Variants in RUNX1 observed in about 807,000 individuals in gnomAD.
RUNX1 encodes RUNX family transcription factor 1.
RUNX1 carries 19 observed loss-of-function variants against 42.8 expected under a neutral mutation model. That is an observed-to-expected ratio of 0.44 (90% CI 0.31 to 0.65). The LOEUF is 0.65. RUNX1 is among the 30% of genes least tolerant of loss of function. The pLI, the probability that RUNX1 is intolerant of heterozygous loss-of-function variation, is 0.07. For synonymous variants in RUNX1, 271 were observed against 289.4 expected (o/e 0.94, Z 0.64); for missense variants, 528 against 672.0 (o/e 0.79, Z 2.37).
intron 5 of RUNX1, among the ~76,000 whole-genome samples, chr21:34,878,521 G>A (rs1010955228): frequency 6.6e-6 from 1 of 151,860 alleles, no homozygotes; most frequent in African/African-American, 2.4e-5. Flanking sequence ...TCAAAATATT[G>A]TCTGTTTATG....
intron 6 of RUNX1, among the ~76,000 whole-genome samples, chr21:34,858,227 C>G (rs905045451): frequency 1.3e-5 from 2 of 152,160 alleles, no homozygotes; most frequent in African/African-American, 2.4e-5. Context: ...ACAGGGAAGG[C>G]TGCCATAAAA....
intron 2 of RUNX1, among the ~76,000 whole-genome samples, chr21:35,044,811 G>A (rs935107115): frequency 6.6e-5 from 10 of 152,112 alleles, no homozygotes; most frequent in African/African-American, 1.9e-4. Context: ...CACATCTTTC[G>A]GATCTATTTT....
intron 2 of RUNX1, among the ~76,000 whole-genome samples, chr21:35,041,174 C>G (rs1355004284): frequency 6.6e-6 from 1 of 152,154 alleles, no homozygotes; most frequent in Admixed American, 6.5e-5. Flanking sequence ...TTCTAACGCC[C>G]AGAAGTAAAA....
chr21:34,967,698 C>A (rs1188487688), intron 2 of RUNX1, among the ~76,000 whole-genome samples: 5 of 152,142 alleles, frequency 3.3e-5, no homozygotes, highest in African/African-American at 1.2e-4. Context: ...TCATTAATCC[C>A]AACACTGGGA....
chr21:34,929,960 T>G (rs2058427110), intron 2 of RUNX1, among the ~76,000 whole-genome samples: 1 of 151,836 alleles, frequency 6.6e-6, no homozygotes, highest in Admixed American at 6.6e-5. Flanking sequence ...GTCCCTATAG[T>G]AGATGCAAAA....
chr21:34,907,113 C>T lies in RUNX1; in HGVS notation c.59-14150G>A, dbSNP rs1327096219. ...AAGTCAGCCAGGAGGGTCATGTGCC[C>T]CCTTCAGTGAAAACCTTGACTCTAA... is the stretch of plus-strand genomic sequence containing the variant. On this transcript the variant is annotated intron_variant, in intron 2 of 8. Coordinates refer to ENST00000675419, the MANE Select transcript of RUNX1 (RefSeq NM_001754.5). This position sits in a 1 kb window ranked among gnomAD's most constrained non-coding sequence, Gnocchi z 5.3. 6.6e-6 allele frequency among the ~76,000 whole-genome samples: 1 copy of T among 152,066 alleles called. No individual in the cohort carries two copies. Among genetic ancestry groups the T allele is most frequent in the Non-Finnish European group, 1.5e-5 (1 of 68,008 alleles).
intron 2 of RUNX1, among the ~76,000 whole-genome samples, chr21:34,962,744 A>G (rs1372433673): frequency 6.6e-6 from 1 of 152,206 alleles, no homozygotes; most frequent in Non-Finnish European, 1.5e-5. Context: ...TCATTTTGCA[A>G]AGGGTGATTC....
chr21:34,907,959 G>C lies in RUNX1; in HGVS notation c.59-14996C>G, dbSNP rs577705326. 5.3e-5 allele frequency among the ~76,000 whole-genome samples: 8 copies of C among 152,304 alleles called. No individual in the cohort carries two copies. In the East Asian group the frequency reaches 1.5e-3, roughly 29 times the overall value. On this transcript the variant is annotated intron_variant, in intron 2 of 8. Coordinates refer to ENST00000675419, the MANE Select transcript of RUNX1 (RefSeq NM_001754.5). The surrounding 1 kb of genome is among the most constrained non-coding windows in gnomAD (Gnocchi z 5.3). ...TCTGAAAAGTGAGTGGCTCTTCTAA[G>C]CTCCCGAAACAGTGGCTGATCTGGG... is the stretch of plus-strand genomic sequence containing the variant.
intron 7 of RUNX1, among the ~76,000 whole-genome samples, chr21:34,811,866 A>C (rs978020022): frequency 6.6e-6 from 1 of 151,878 alleles, no homozygotes; most frequent in Admixed American, 6.6e-5. Context: ...GCTCCAGCTT[A>C]TTTTTCACAG....
intron 7 of RUNX1, among the ~76,000 whole-genome samples, chr21:34,823,430 GTTTTTTTTTTTT>G (rs56957776): frequency 0.79 from 78,707 of 100,044 alleles, 32,112 homozygotes; most frequent in East Asian, 0.96. Context: ...TTCCTGGTGG[GTTTTTTTTTTTT>G]TTTTTTTTTT....
At chr21:35,015,651 C>T (rs1173701965) in intron 2 of RUNX1, among the ~76,000 whole-genome samples, 2 of 152,182 alleles carry the variant, frequency 1.3e-5, no homozygotes, top group Non-Finnish European at 2.9e-5. Flanking sequence ...ACTAGGCATA[C>T]TTAGTGATCA....
intron 2 of RUNX1, among the ~76,000 whole-genome samples, chr21:34,950,183 C>T (rs1423621656): frequency 6.6e-6 from 1 of 152,198 alleles, no homozygotes; most frequent in Non-Finnish European, 1.5e-5. Context: ...GGTCTTCTAG[C>T]TACAGTGTTA....
intron 2 of RUNX1, among the ~76,000 whole-genome samples, chr21:34,982,355 G>A (rs1397887607): frequency 6.6e-6 from 1 of 151,164 alleles, no homozygotes; most frequent in Non-Finnish European, 1.5e-5. Flanking sequence ...CTCTTACTAG[G>A]GTCCCAGGGT....
chr21:34,883,239 A>C (rs1248751967), intron 4 of RUNX1, among the ~76,000 whole-genome samples: 1 of 151,664 alleles, frequency 6.6e-6, no homozygotes, highest in Non-Finnish European at 1.5e-5. Flanking sequence ...TTTAACTCCC[A>C]CTCCTCTTTT....
intron 3 of RUNX1, among the ~76,000 whole-genome samples, chr21:34,890,221 C>G (rs1306508667): frequency 4.0e-5 from 6 of 151,898 alleles, no homozygotes; most frequent in Non-Finnish European, 7.4e-5. Flanking sequence ...GGGCAGCAGC[C>G]GCCCTCCCTG....
intron 6 of RUNX1, among the ~76,000 whole-genome samples, chr21:34,841,220 T>C (rs1234676683): frequency 6.6e-6 from 1 of 152,152 alleles, no homozygotes; most frequent in Admixed American, 6.5e-5. Flanking sequence ...CCTGTTCCTC[T>C]AGCTCATGCC....
At chr21:34,904,592 C>A (rs1405606563) in intron 2 of RUNX1, among the ~76,000 whole-genome samples, 1 of 152,178 alleles carries the variant, frequency 6.6e-6, no homozygotes, top group African/African-American at 2.4e-5. Context: ...GTGCACTAAT[C>A]TTAAGTAACT....
intron 2 of RUNX1, among the ~76,000 whole-genome samples, chr21:34,930,719 T>TCTCA (rs1010285128): frequency 9.3e-5 from 13 of 140,510 alleles, no homozygotes; most frequent in African/African-American, 2.5e-4. Flanking sequence ...TCTCTCTCTC[T>TCTCA]CACACACACA....
rs2057109916 is a variant in RUNX1 at position 34,834,356 on chromosome 21, G to A, written c.805+54C>T. 4.5e-6 allele frequency: 7 copies of A among 1,563,208 alleles called. No individual in the cohort carries two copies. The African/African-American group carries it at 6.8e-5, about 15-fold the overall frequency. ...GTGTGTGCACATGGGGGCCAGTTGT[G>A]GGTGGTGGCCCAGGTGCAGGAGAGG... On this transcript the variant is annotated intron_variant, in intron 7 of 8. Transcript: ENST00000675419.
Sources: gnomAD v4.1 joint callset for allele counts (sites outside exome capture counted in the v4.1 genomes callset) on GRCh38, gnomAD v4.1.1 for gene constraint, Gnocchi (gnomAD v3.1) non-coding constraint, MANE v1.5 for transcripts, NCBI Gene and HGNC (gene_info 2026-07-23, HGNC 2026-07-21) for gene names.